Variants in ELAVL4 observed in about 807,000 individuals in gnomAD.
ELAVL4 encodes the protein ELAV-like protein 4.
Under a neutral mutation model 35.6 loss-of-function variants are expected in ELAVL4, and 1 was observed. The observed-to-expected ratio is 0.03, with a 90% CI of 0.01 to 0.13. The LOEUF is 0.13. Among genes scored for constraint, ELAVL4 ranks in the 10% least tolerant of loss-of-function variants. The pLI is 1.00. For missense variants in ELAVL4, 267 were observed against 464.9 expected, an observed-to-expected ratio of 0.57 and a Z score of 3.91; for synonymous variants, 156 against 171.0, an observed-to-expected ratio of 0.91 and a Z score of 0.69.
At chr1:50,141,584 G>A (rs1487598922) in intron 1 of ELAVL4, among the ~76,000 whole-genome samples, 3 of 152,206 alleles carry the variant, frequency 2.0e-5, no homozygotes, top group Non-Finnish European at 4.4e-5. Flanking sequence ...CTGATGCTCT[G>A]TAATGCCATC....
rs1644471982 is a variant in ELAVL4 at position 50,203,546 on chromosome 1, ATCT to A, written c.*2372_*2374del. 6.6e-6 allele frequency: 1 copy of A among 152,098 alleles called. No individual in the cohort carries two copies. The highest frequency in any genetic ancestry group is 2.4e-5 in the African/African-American group (1 of 41,418). 9.4% of individuals were successfully genotyped at this position (152,098 alleles called of 1,614,324 possible). On this transcript the variant is annotated 3_prime_UTR_variant, in exon 7 of 7. Transcript: ENST00000371824. ...GCATTAGTGGGAAAGGCATGCCAAA[ATCT>A]TCTCTATAATGTGTTCAATCTTGGG...
At chr1:50,153,869 T>G (rs1295558157) in intron 2 of ELAVL4, among the ~76,000 whole-genome samples, 1 of 152,194 alleles carries the variant, frequency 6.6e-6, no homozygotes, top group African/African-American at 2.4e-5. Flanking sequence ...GACTGGAATT[T>G]TCTCCATACA....
At chr1:50,093,001 G>T (rs1665560951) in intron 1 of ELAVL4, among the ~76,000 whole-genome samples, 1 of 152,170 alleles carries the variant, frequency 6.6e-6, no homozygotes, top group African/African-American at 2.4e-5. Flanking sequence ...CCCAGGGCAG[G>T]GGATTTTGTG....
At chr1:50,105,809 TC>T (rs1164238288), upstream of ELAVL4, 4 of 155,934 alleles carry the variant, frequency 2.6e-5, no homozygotes, top group African/African-American at 9.6e-5. Context: ...TATTGACTGT[TC>T]CGTGGTGCGC....
intron 1 of ELAVL4, among the ~76,000 whole-genome samples, chr1:50,125,651 G>C (rs1557738711): frequency 6.6e-6 from 1 of 152,038 alleles, no homozygotes; most frequent in Non-Finnish European, 1.5e-5. Flanking sequence ...TGGGACAAAT[G>C]TTCCAGGAGG....
chr1:50,127,038 G>T (rs1557741595), intron 1 of ELAVL4, among the ~76,000 whole-genome samples: 3 of 151,908 alleles, frequency 2.0e-5, no homozygotes. Context: ...AAGAGTAAGA[G>T]AACGCTTAAA....
chr1:50,098,916 T>G (rs569047112), upstream of ELAVL4, among the ~76,000 whole-genome samples: 3 of 152,294 alleles, frequency 2.0e-5, no homozygotes, highest in Admixed American at 2.0e-4. Context: ...ATGTAGAATG[T>G]CCCTGGCTAA....
intron 3 of ELAVL4, among the ~76,000 whole-genome samples, chr1:50,192,515 G>GCACACACA (rs1220189674): frequency 4.1e-4 from 33 of 80,344 alleles, no homozygotes; most frequent in South Asian, 2.6e-3. Flanking sequence ...GCTTTTGTGT[G>GCACACACA]CACGCACACA....
upstream of ELAVL4, among the ~76,000 whole-genome samples, chr1:50,100,388 A>G (rs1019748542): frequency 7.2e-5 from 11 of 152,316 alleles, no homozygotes; most frequent in South Asian, 2.1e-3. Flanking sequence ...AGGAGCCTTC[A>G]TAGGGGTTCT....
At chr1:50,156,436 GC>G (rs1423414124) in intron 2 of ELAVL4, among the ~76,000 whole-genome samples, 4 of 152,148 alleles carry the variant, frequency 2.6e-5, no homozygotes. Flanking sequence ...AAGGGTGTTA[GC>G]CCTGGGCCAA....
chr1:50,102,264 C>T (rs1226772637), upstream of ELAVL4, among the ~76,000 whole-genome samples: 1 of 149,846 alleles, frequency 6.7e-6, no homozygotes, highest in East Asian at 2.0e-4. Flanking sequence ...CCAGCCTGGG[C>T]GTCAAAGCGA....
At chr1:50,156,442 G>A (rs1675770753) in intron 2 of ELAVL4, among the ~76,000 whole-genome samples, 1 of 152,126 alleles carries the variant, frequency 6.6e-6, no homozygotes, top group African/African-American at 2.4e-5. Context: ...GTTAGCCCTG[G>A]GCCAACAGAT....
At chr1:50,190,308 T>A (rs909897887) in intron 3 of ELAVL4, among the ~76,000 whole-genome samples, 2 of 152,288 alleles carry the variant, frequency 1.3e-5, no homozygotes, top group African/African-American at 4.8e-5. Context: ...AATTGGCAAT[T>A]TTTTGGAAAT....
At chr1:50,118,797 ATTT>A (rs1668391857) in intron 1 of ELAVL4, among the ~76,000 whole-genome samples, 1 of 151,972 alleles carries the variant, frequency 6.6e-6, no homozygotes, top group Non-Finnish European at 1.5e-5. Flanking sequence ...TGAAACACCG[ATTT>A]TGAATTCTAC....
At chr1:50,109,643 C>A (rs936207847) in intron 1 of ELAVL4, 1 of 442,268 alleles carries the variant, frequency 2.3e-6, no homozygotes. Context: ...CGAGAGGCAG[C>A]TCCTGGATAC....
intron 1 of ELAVL4, among the ~76,000 whole-genome samples, chr1:50,090,117 G>A (rs1199950370): frequency 6.6e-6 from 1 of 152,162 alleles, no homozygotes; most frequent in Non-Finnish European, 1.5e-5. Context: ...TGAAATCAGT[G>A]GGGAATGACA....
At chr1:50,195,811 G>A (rs548315840) in intron 5 of ELAVL4, 25 bp downstream of exon 5, 1 of 1,612,962 alleles carries the variant, frequency 6.2e-7, no homozygotes, top group East Asian at 2.2e-5. Flanking sequence ...AGAGGAAGAA[G>A]CCCTGCTACA....
intron 2 of ELAVL4, among the ~76,000 whole-genome samples, chr1:50,145,616 G>A (rs547698139): frequency 6.6e-6 from 1 of 152,122 alleles, no homozygotes; most frequent in Non-Finnish European, 1.5e-5. Context: ...GTTTTAAAGG[G>A]GGCCACTGTG....
At chr1:50,123,979 G>A (rs1199587436) in intron 1 of ELAVL4, among the ~76,000 whole-genome samples, 1 of 152,094 alleles carries the variant, frequency 6.6e-6, no homozygotes, top group Non-Finnish European at 1.5e-5. Flanking sequence ...TCAGCACTGA[G>A]TTTATCTTTA....
Sources: gnomAD v4.1 joint callset for allele counts (sites outside exome capture counted in the v4.1 genomes callset) on GRCh38, gnomAD v4.1.1 for gene constraint, MANE v1.5 for transcripts, NCBI Gene and HGNC (gene_info 2026-07-23, HGNC 2026-07-21) for gene names.